Variants in PON1 observed in about 807,000 individuals in gnomAD.
PON1 encodes serum paraoxonase/arylesterase 1.
Under a neutral mutation model 39.2 loss-of-function variants are expected in PON1, and 37 were observed. The observed-to-expected ratio is 0.94, with a 90% confidence interval of 0.73 to 1.24. The LOEUF (loss-of-function observed/expected upper bound fraction) is 1.24. Ranked by LOEUF, PON1 falls within the 50% of genes most tolerant of loss-of-function variation. The pLI, the probability that PON1 is intolerant of heterozygous loss-of-function variation, is 0.00. For missense variants in PON1, 397 were observed against 413.5 expected, an observed-to-expected ratio of 0.96 and a Z score of 0.35; for synonymous variants, 148 against 152.2, an observed-to-expected ratio of 0.97 and a Z score of 0.21.
At chr7:95,316,570 A>C (rs569961784) in intron 3 of PON1, among the ~76,000 whole-genome samples, 164 bp downstream of exon 3, 1 of 152,350 alleles carries the variant, frequency 6.6e-6, no homozygotes, top group East Asian at 1.9e-4. Flanking sequence ...GCATGATCAT[A>C]ATTATAGCAC....
At chr7:95,321,277 C>T (rs138808374) in intron 1 of PON1, among the ~76,000 whole-genome samples, 2 of 152,298 alleles carry the variant, frequency 1.3e-5, no homozygotes, top group East Asian at 1.9e-4. Flanking sequence ...AGATCAAATA[C>T]GAGGTTTGGA....
At chr7:95,302,167 G>A (rs750275667) in intron 8 of PON1, 38 bp downstream of exon 8, 1 of 1,527,634 alleles carries the variant, frequency 6.5e-7, no homozygotes, top group Admixed American at 1.7e-5. Flanking sequence ...CAGTAGCTGG[G>A]AATAAAGTCA....
At chr7:95,303,565 T>C (rs1807477154) in intron 7 of PON1, among the ~76,000 whole-genome samples, 1 of 152,104 alleles carries the variant, frequency 6.6e-6, no homozygotes, top group Non-Finnish European at 1.5e-5. Context: ...TCCCATTCAT[T>C]CAAGACACAA....
chr7:95,300,814 C>A (rs1807403250), intron 8 of PON1, among the ~76,000 whole-genome samples: 1 of 152,144 alleles, frequency 6.6e-6, no homozygotes, highest in Admixed American at 6.5e-5. Context: ...ACTGAACACT[C>A]CACAGCATAC....
chr7:95,298,764 AT>A lies in PON1; in HGVS notation c.*179del, dbSNP rs1273746153. 3 of 709,000 alleles carry A rather than the reference AT, an allele frequency of 4.2e-6. No individual in the cohort carries two copies. In the African/African-American group the frequency reaches 5.3e-5, roughly 13 times the overall value. The allele number at this position is 709,000 out of a possible 1,614,324, so 43.9% of individuals were successfully genotyped here. On this transcript the variant is annotated 3_prime_UTR_variant, in exon 9 of 9. Coordinates refer to ENST00000222381, the MANE Select transcript of PON1 (RefSeq NM_000446.7). The stretch of plus-strand genomic sequence containing the variant: ...TATTCCAAGACTGATTTGATAGTGT[AT>A]TCTCAAAAAAAAGCCCTACACATCA...
rs3917563 is a variant in PON1 at position 95,303,167 on chromosome 7, A to C, written c.781-834T>G. 2.2e-3 allele frequency among the ~76,000 whole-genome samples: 339 copies of C among 152,330 alleles called. 1 individual carries two copies. The highest frequency in any genetic ancestry group is 7.8e-3 in the African/African-American group (325 of 41,576). On this transcript the variant is annotated intron_variant, in intron 7 of 8. Coordinates refer to ENST00000222381, the MANE Select transcript of PON1 (RefSeq NM_000446.7). ...CTGGTCATGACTCATTGAAAAAGCC[A>C]GGGCATAAGCAGACAGCTGCAGAAA...
At chr7:95,302,096 CAAA>C (rs770841829) in intron 8 of PON1, 106 bp downstream of exon 8, 3,487 of 311,454 alleles carry the variant, frequency 0.011, no homozygotes, top group Non-Finnish European at 0.012. Flanking sequence ...TACTCTGTCA[CAAA>C]AAAAAAAAAA....
rs140644381 is a variant in PON1, at chr7:95,309,018, G to C, written c.498-807C>G. Among the ~76,000 whole-genome samples the C allele has an allele frequency of 1.4e-3, 220 of 152,242 alleles. 3 individuals carry two copies. In the South Asian group the frequency reaches 0.027, roughly 19 times the overall value. ...TGGAAGTTCCCCAGGGCATGATCTG[G>C]GAGAAAATTATCTCTGCTCTATTGC... On this transcript the variant is annotated intron_variant, in intron 5 of 8. Transcript: ENST00000222381.
At chr7:95,316,103 G>T (rs1280264888) in intron 3 of PON1, among the ~76,000 whole-genome samples, 1 of 152,120 alleles carries the variant, frequency 6.6e-6, no homozygotes, top group African/African-American at 2.4e-5. Flanking sequence ...AATTACAAGG[G>T]GTAGCAAAGG....
At chr7:95,299,994 G>A (rs1262206458) in intron 8 of PON1, among the ~76,000 whole-genome samples, 2 of 151,710 alleles carry the variant, frequency 1.3e-5, no homozygotes, top group East Asian at 3.9e-4. Context: ...GAAAAAAAAT[G>A]TGGCCCTCAA....
chr7:95,306,228 CA>C, intron 7 of PON1, 56 bp downstream of exon 7: 1 of 1,422,046 alleles, frequency 7.0e-7, no homozygotes. Flanking sequence ...TTTAATTTCA[CA>C]AATCAATTAG....
At chr7:95,310,204 C>T (rs995006148) in intron 5 of PON1, among the ~76,000 whole-genome samples, 7 of 152,114 alleles carry the variant, frequency 4.6e-5, no homozygotes, top group African/African-American at 1.4e-4. Flanking sequence ...TTTTAAAAAT[C>T]CAAAATGGAT....
intron 6 of PON1, among the ~76,000 whole-genome samples, chr7:95,306,995 G>C (rs1293600315): frequency 6.6e-6 from 1 of 151,432 alleles, no homozygotes; most frequent in Non-Finnish European, 1.5e-5. Context: ...ATAATTAAAA[G>C]CTGTCCCTGT....
intron 3 of PON1, 103 bp from the exon 4 acceptor site, chr7:95,315,593 C>A: frequency 8.3e-7 from 1 of 1,211,792 alleles, no homozygotes; most frequent in Non-Finnish European, 1.2e-6. Context: ...CTCCAAACCA[C>A]AGGGCTAGCC....
chr7:95,317,519 A>G lies in PON1; in HGVS notation c.146-730T>C, dbSNP rs537694811. On this transcript the variant is annotated intron_variant, in intron 2 of 8. Transcript: ENST00000222381. ...TAGTGAAATTTAGTGGTACTAAGTC[A>G]TCTGATCTAGCCTCCTGAGCCTTAA... Among the ~76,000 whole-genome samples, 6 of 149,126 alleles carry G rather than the reference A, an allele frequency of 4.0e-5. No individual in the cohort carries two copies. The East Asian group carries it at 1.2e-3, about 29-fold the overall frequency.
chr7:95,311,411 T>G, intron 5 of PON1, 40 bp downstream of exon 5: 1 of 1,611,902 alleles, frequency 6.2e-7, no homozygotes, highest in Non-Finnish European at 8.5e-7. Context: ...AACTATCCGC[T>G]ACAGCTAAAG....
chr7:95,304,999 C>T (rs947465534), intron 7 of PON1, among the ~76,000 whole-genome samples: 7 of 152,096 alleles, frequency 4.6e-5, no homozygotes, highest in African/African-American at 1.4e-4. Context: ...TTGTTAAAAC[C>T]GCAGCTTGTT....
chr7:95,319,761 A>G (rs3917488), intron 1 of PON1, among the ~76,000 whole-genome samples: 3,462 of 152,306 alleles, frequency 0.023, 142 homozygotes, highest in African/African-American at 0.079. Flanking sequence ...GTGATAAAGC[A>G]GTGGCTTACA....
chr7:95,299,125 TTAATA>T (rs1563593155), intron 8 of PON1, 23 bp from the exon 9 acceptor site: 10 of 1,612,004 alleles, frequency 6.2e-6, no homozygotes, highest in Non-Finnish European at 7.6e-6. Context: ...TAACATTGGG[TTAATA>T]TTTTTGTTAA....
Sources: allele counts gnomAD v4.1 joint callset (sites outside exome capture counted in the v4.1 genomes callset), GRCh38; gene constraint gnomAD v4.1.1; transcripts MANE v1.5; gene names NCBI Gene and HGNC (gene_info 2026-07-23, HGNC 2026-07-21).